PTPRE: variants seen among roughly 807,000 people sequenced by gnomAD.
PTPRE encodes the protein receptor-type tyrosine-protein phosphatase epsilon.
In PTPRE, 51 loss-of-function variants were observed where a neutral mutation model predicts 102.0. That is an observed-to-expected ratio of 0.50 (90% confidence interval 0.40 to 0.63). The LOEUF (loss-of-function observed/expected upper bound fraction) is 0.63, where lower values mean the gene tolerates loss of function less well. Ranked by LOEUF, PTPRE falls within the 30% of genes least tolerant of loss-of-function variation. The probability of loss-of-function intolerance (pLI) is 0.00; values close to 1 mark genes in which losing one functional copy is unlikely to be tolerated. For missense variants in PTPRE, 752 were observed against 915.1 expected, an observed-to-expected ratio of 0.82 and a Z score of 2.30; for synonymous variants, 345 against 348.2, an observed-to-expected ratio of 0.99 and a Z score of 0.10.
In PTPRE at chr10:128,068,036, G is replaced by A. The variant is rs1349020665; in HGVS notation, c.844-87G>A. ...CCCTACGCAGCCCCAGCACAGGGGA[G>A]CCCACGGCGGCGTCCTCAGAATGAG... On this transcript the variant is annotated intron_variant, in intron 11 of 20. Coordinates refer to ENST00000254667, the MANE Select transcript of PTPRE (RefSeq NM_006504.6). The A allele has an allele frequency of 3.4e-6, 5 of 1,462,542 alleles. No individual in the cohort carries two copies. The South Asian group carries it at 3.8e-5, about 11-fold the overall frequency. The allele number at this position is 1,462,542 out of a possible 1,614,324, so 90.6% of individuals were successfully genotyped here. A position where few individuals can be genotyped will look rare whatever the true frequency, so the allele number is the denominator to read the frequency against.
chr10:127,964,874 A>C, intron 1 of PTPRE: 1 of 393,872 alleles, frequency 2.5e-6, no homozygotes, highest in Non-Finnish European at 5.1e-6. Flanking sequence ...CGAGCTCATC[A>C]GCGGGCTCCT....
chr10:128,070,493 C>T lies in PTPRE; in HGVS notation c.1293+43C>T, dbSNP rs1590223278. 4 of 1,592,746 alleles carry T rather than the reference C, an allele frequency of 2.5e-6. No homozygotes were observed. Among genetic ancestry groups the T allele is most frequent in the Non-Finnish European group, 3.4e-6 (4 of 1,170,030 alleles). On this transcript the variant is annotated intron_variant, in intron 14 of 20. Coordinates refer to ENST00000254667, the MANE Select transcript of PTPRE (RefSeq NM_006504.6). This position sits in a 1 kb window ranked among gnomAD's most constrained non-coding sequence, Gnocchi z 4.8. ...TCCTCTCCATCCTGGTGTAAGCAGC[C>T]AAGGGCACGAGGAAAACAGGTGACC... is the stretch of plus-strand genomic sequence containing the variant.
At chr10:127,969,401 C>T (rs553738054) in intron 1 of PTPRE, among the ~76,000 whole-genome samples, 1 of 152,118 alleles carries the variant, frequency 6.6e-6, no homozygotes, top group East Asian at 1.9e-4. Flanking sequence ...GGTGTGACAG[C>T]TCAGGTTTAT....
At chr10:128,035,355 A>C (rs1314267005) in intron 2 of PTPRE, among the ~76,000 whole-genome samples, 2 of 152,226 alleles carry the variant, frequency 1.3e-5, no homozygotes, top group African/African-American at 2.4e-5. Context: ...TATTTTGTGA[A>C]TAGAACTACT....
chr10:128,010,070 C>G (rs1844855207), intron 2 of PTPRE, among the ~76,000 whole-genome samples: 1 of 152,180 alleles, frequency 6.6e-6, no homozygotes, highest in Non-Finnish European at 1.5e-5. Flanking sequence ...TTCATTCACT[C>G]ACTCACTTAT....
intron 1 of PTPRE, among the ~76,000 whole-genome samples, chr10:127,977,850 T>C (rs562752238): frequency 1.2e-3 from 178 of 152,276 alleles, no homozygotes; most frequent in African/African-American, 4.2e-3. Flanking sequence ...TCACCATGGC[T>C]TTTTCCCAGG....
chr10:128,079,337 C>T (rs576929900), intron 19 of PTPRE, among the ~76,000 whole-genome samples: 16 of 152,280 alleles, frequency 1.1e-4, no homozygotes, highest in African/African-American at 2.6e-4. Flanking sequence ...TATAAAATAT[C>T]GGTCTCCTGT....
intron 1 of PTPRE, among the ~76,000 whole-genome samples, chr10:127,923,325 T>C (rs1017717514): frequency 2.0e-5 from 3 of 151,522 alleles, no homozygotes; most frequent in Non-Finnish European, 4.4e-5. Context: ...CCAGAGCGAG[T>C]GCTACAAGTC....
At chr10:128,020,536 C>T (rs1288089865) in intron 2 of PTPRE, among the ~76,000 whole-genome samples, 1 of 152,136 alleles carries the variant, frequency 6.6e-6, no homozygotes, top group Non-Finnish European at 1.5e-5. Flanking sequence ...ACTAGATAAC[C>T]CTGGACGTAT....
chr10:128,072,246 A>G (rs41282874), intron 16 of PTPRE, 32 bp downstream of exon 16: 161,760 of 1,568,048 alleles, frequency 0.1, 9,319 homozygotes, highest in African/African-American at 0.2. Context: ...GTGTTTATGC[A>G]GATGTGTTTC....
Position 128,001,984 on chromosome 10 carries a change from C to T in PTPRE, c.-8+19688C>T, listed in dbSNP as rs115329366. Reference sequence around the variant, plus strand: ...CAGGGGAGATGGCAGTGTTGCCTCTCGCCTGATCTCTGCAGGCTGGAGGGC... The same window carrying T: ...CAGGGGAGATGGCAGTGTTGCCTCTTGCCTGATCTCTGCAGGCTGGAGGGC... On this transcript the variant is annotated intron_variant, in intron 2 of 20. Transcript: ENST00000254667. Among the ~76,000 whole-genome samples the T allele has an allele frequency of 5.1e-3, 778 of 152,286 alleles. 8 individuals are homozygous for T. Among genetic ancestry groups the T allele is most frequent in the African/African-American group, 0.018 (747 of 41,554 alleles).
chr10:127,936,256 C>T (rs915035069), intron 1 of PTPRE: 13 of 152,188 alleles, frequency 8.5e-5, no homozygotes, highest in African/African-American at 2.9e-4. Context: ...CTACAAACAT[C>T]ATTCACCACA....
chr10:128,077,734 C>A lies in PTPRE; in HGVS notation c.1843C>A (p.Gln615Lys). ...KGMIDLIAAV[Q>K]KQQQQTGNHP... ...CATGATTGACCTCATCGCAGCCGTG[C>A]AGAAGCAGCAGCAGCAGACAGGCAA... Residue 615 changes from glutamine to lysine, a missense_variant, in exon 19 of 21, where the codon CAG (glutamine) becomes AAG (lysine). By Grantham distance (53) the Gln-to-Lys change is moderately conservative. Coordinates refer to ENST00000254667, the MANE Select transcript of PTPRE (RefSeq NM_006504.6). The A allele has an allele frequency of 6.2e-7, 1 of 1,610,132 alleles. No individual in the cohort carries two copies. The highest frequency in any genetic ancestry group is 8.5e-7 in the Non-Finnish European group (1 of 1,176,702).
intron 2 of PTPRE, among the ~76,000 whole-genome samples, chr10:128,037,940 G>T (rs1021607642): frequency 6.7e-6 from 1 of 149,508 alleles, no homozygotes; most frequent in Non-Finnish European, 1.5e-5. Context: ...ACAGGTGCCT[G>T]CCACCATGTC....
At chr10:128,015,523 C>T (rs1314599022) in intron 2 of PTPRE, among the ~76,000 whole-genome samples, 2 of 152,180 alleles carry the variant, frequency 1.3e-5, no homozygotes, top group East Asian at 3.9e-4. Flanking sequence ...CCCGCCACCA[C>T]ACCTAGCTAA....
chr10:128,061,922 C>G (rs1849629500), intron 9 of PTPRE, among the ~76,000 whole-genome samples: 1 of 152,224 alleles, frequency 6.6e-6, no homozygotes, highest in African/African-American at 2.4e-5. Flanking sequence ...GGTGTGAACA[C>G]AGGGCACGCA....
intron 5 of PTPRE, among the ~76,000 whole-genome samples, chr10:128,048,838 C>T (rs1848316423): frequency 6.6e-6 from 1 of 151,958 alleles, no homozygotes; most frequent in Non-Finnish European, 1.5e-5. Context: ...GGGGACAGGC[C>T]CTTTTGCAAG....
At position 128,070,592 on chromosome 10, in the gene PTPRE, T is replaced by G; in HGVS notation, c.1293+142T>G. 2.4e-6 allele frequency: 3 copies of G among 1,258,226 alleles called. No homozygotes were observed. Among genetic ancestry groups the G allele is most frequent in the Non-Finnish European group, 3.2e-6 (3 of 925,452 alleles). 77.9% of individuals were successfully genotyped at this position (1,258,226 alleles called of 1,614,324 possible). On this transcript the variant is annotated intron_variant, in intron 14 of 20. Coordinates refer to ENST00000254667, the MANE Select transcript of PTPRE (RefSeq NM_006504.6). This position sits in a 1 kb window ranked among gnomAD's most constrained non-coding sequence, Gnocchi z 4.8. ...AAAAGCAGGGGCAATACCTGAGCCA[T>G]GATTTACAAGGGAAGAAGGATCAGG...
At chr10:128,022,554 C>T (rs1845983246) in intron 2 of PTPRE, among the ~76,000 whole-genome samples, 1 of 152,186 alleles carries the variant, frequency 6.6e-6, no homozygotes, top group Admixed American at 6.5e-5. Flanking sequence ...TCCTGGTCAC[C>T]CTCCCACAGT....
Sources: gnomAD v4.1 joint callset for allele counts (sites outside exome capture counted in the v4.1 genomes callset) on GRCh38, gnomAD v4.1.1 for gene constraint, Gnocchi (gnomAD v3.1) non-coding constraint, MANE v1.5 for transcripts, NCBI Gene and HGNC (gene_info 2026-07-23, HGNC 2026-07-21) for gene names.